The following GRM7 variants were observed in gnomAD, a reference collection of about 807,000 sequenced individuals.
GRM7 encodes the protein glutamate metabotropic receptor 7, also known as metabotropic glutamate receptor 7.
GRM7 carries 35 observed loss-of-function variants against 84.5 expected under a neutral mutation model. The observed-to-expected ratio is 0.41, with a 90% CI of 0.32 to 0.55. The LOEUF (loss-of-function observed/expected upper bound fraction) is 0.55, where lower values mean the gene tolerates loss of function less well. GRM7 is among the 20% of genes least tolerant of loss of function. The pLI, the probability that GRM7 is intolerant of heterozygous loss-of-function variation, is 0.19. For missense variants in GRM7, 1,003 were observed against 1,194.6 expected (o/e 0.84, Z 2.36); for synonymous variants, 487 against 455.1 (o/e 1.07, Z -0.89).
intron 4 of GRM7, among the ~76,000 whole-genome samples, chr3:7,342,905 C>T (rs1280923748): frequency 2.6e-5 from 4 of 152,156 alleles, no homozygotes; most frequent in African/African-American, 2.4e-5. Flanking sequence ...TGCAATCTCT[C>T]ATCTGTAAAA....
chr3:6,967,716 A>G (rs1393958094), intron 1 of GRM7, among the ~76,000 whole-genome samples: 1 of 152,228 alleles, frequency 6.6e-6, no homozygotes, highest in African/African-American at 2.4e-5. Flanking sequence ...AACAAAAACT[A>G]TTATGTCCCA....
intron 1 of GRM7, among the ~76,000 whole-genome samples, chr3:7,131,042 CT>C (rs1693580087): frequency 6.6e-6 from 1 of 152,138 alleles, no homozygotes; most frequent in Non-Finnish European, 1.5e-5. Flanking sequence ...AACGCTAAGA[CT>C]TTCCCTTCCA....
At chr3:7,713,675 A>T (rs1320921) in intron 9 of GRM7, among the ~76,000 whole-genome samples, 69,568 of 151,888 alleles carry the variant, frequency 0.46, 17,498 homozygotes, top group East Asian at 0.84. Context: ...TAGTACCAAA[A>T]AAAATTATTT....
intron 4 of GRM7, among the ~76,000 whole-genome samples, chr3:7,400,748 C>T (rs914224152): frequency 3.9e-5 from 6 of 152,164 alleles, no homozygotes; most frequent in South Asian, 4.2e-4. Flanking sequence ...TAGATGGCTT[C>T]GTTATTTCTT....
intron 1 of GRM7, among the ~76,000 whole-genome samples, chr3:6,967,034 G>C (rs929561065): frequency 5.3e-5 from 8 of 152,060 alleles, no homozygotes; most frequent in African/African-American, 1.9e-4. Context: ...AGTGACTGCT[G>C]AAGTATTTTA....
At chr3:7,647,345 T>C (rs1303704503) in intron 8 of GRM7, among the ~76,000 whole-genome samples, 1 of 152,174 alleles carries the variant, frequency 6.6e-6, no homozygotes, top group Non-Finnish European at 1.5e-5. Flanking sequence ...TTTTTTGCTG[T>C]AGCCCACCTT....
intron 8 of GRM7, among the ~76,000 whole-genome samples, chr3:7,586,085 C>T (rs1695506163): frequency 6.6e-6 from 1 of 152,196 alleles, no homozygotes; most frequent in Non-Finnish European, 1.5e-5. Context: ...TCACTTCTTT[C>T]ATCTTCACCA....
At chr3:7,730,684 TCTG>T (rs1397494376) in intron 9 of GRM7, among the ~76,000 whole-genome samples, 1 of 152,240 alleles carries the variant, frequency 6.6e-6, no homozygotes, top group East Asian at 1.9e-4. Context: ...TAAGTACTAC[TCTG>T]CTGCTATTTT....
At chr3:7,121,684 C>T (rs1046874703) in intron 1 of GRM7, among the ~76,000 whole-genome samples, 2 of 152,064 alleles carry the variant, frequency 1.3e-5, no homozygotes, top group South Asian at 2.1e-4. Context: ...GATGTAAAGC[C>T]ACTGGGGGTT....
intron 2 of GRM7, chr3:7,298,474 G>A (rs1270331577): frequency 3.9e-6 from 2 of 512,810 alleles, no homozygotes; most frequent in Non-Finnish European, 6.9e-6. Context: ...GTACTATAAA[G>A]AGGATGTCGT....
intron 1 of GRM7, among the ~76,000 whole-genome samples, chr3:7,126,434 A>G (rs989261943): frequency 2.0e-5 from 3 of 152,216 alleles, no homozygotes; most frequent in East Asian, 3.9e-4. Flanking sequence ...GCATGCTTCA[A>G]TAAACCCTAG....
chr3:7,471,643 C>A (rs1698706511), intron 7 of GRM7, among the ~76,000 whole-genome samples: 1 of 152,144 alleles, frequency 6.6e-6, no homozygotes, highest in Non-Finnish European at 1.5e-5. Flanking sequence ...TTGGGTCCAC[C>A]TAGATAATTC....
chr3:7,532,610 C>G (rs1431163971), intron 7 of GRM7, among the ~76,000 whole-genome samples: 2 of 151,772 alleles, frequency 1.3e-5, no homozygotes, highest in African/African-American at 2.4e-5. Flanking sequence ...ATTTTTGTGT[C>G]TCTATCTCCT....
At chr3:7,632,682 A>G (rs1697908546) in intron 8 of GRM7, among the ~76,000 whole-genome samples, 1 of 152,218 alleles carries the variant, frequency 6.6e-6, no homozygotes, top group African/African-American at 2.4e-5. Context: ...AGTTATGAAT[A>G]TAGTTATTTT....
intron 2 of GRM7, among the ~76,000 whole-genome samples, chr3:7,255,734 G>A (rs1698170947): frequency 6.6e-6 from 1 of 152,176 alleles, no homozygotes; most frequent in African/African-American, 2.4e-5. Context: ...CAATGTTGAT[G>A]AGAACTGAAT....
intron 4 of GRM7, among the ~76,000 whole-genome samples, chr3:7,351,350 A>AC (rs1430994072): frequency 6.6e-6 from 1 of 150,962 alleles, no homozygotes. Flanking sequence ...AAAAAAAAAA[A>AC]AAAAAAAAAA....
intron 8 of GRM7, among the ~76,000 whole-genome samples, chr3:7,675,256 A>G (rs924867069): frequency 5.3e-5 from 8 of 152,148 alleles, no homozygotes; most frequent in Non-Finnish European, 1.0e-4. Context: ...GTGTTTTTGA[A>G]CAGTACTGAG....
intron 1 of GRM7, among the ~76,000 whole-genome samples, chr3:7,107,066 G>A (rs1692679314): frequency 6.6e-6 from 1 of 151,968 alleles, no homozygotes; most frequent in Admixed American, 6.6e-5. Context: ...TGACACCTGA[G>A]GGACAGGATA....
intron 1 of GRM7, among the ~76,000 whole-genome samples, chr3:6,997,343 A>G (rs577548480): frequency 6.6e-6 from 1 of 152,286 alleles, no homozygotes; most frequent in East Asian, 1.9e-4. Context: ...TAACTAGGTA[A>G]TTTATAAAGG....
Sources: allele counts gnomAD v4.1 joint callset (sites outside exome capture counted in the v4.1 genomes callset), GRCh38; gene constraint gnomAD v4.1.1; transcripts MANE v1.5; gene names NCBI Gene and HGNC (gene_info 2026-07-23, HGNC 2026-07-21).